FBXL13: variants seen among roughly 807,000 people sequenced by gnomAD.
The protein encoded by FBXL13 is F-box and leucine-rich repeat protein 13.
Under a neutral mutation model 83.6 loss-of-function variants are expected in FBXL13, and 67 were observed. That is an observed-to-expected ratio of 0.80 (90% CI 0.66 to 0.98). The LOEUF (loss-of-function observed/expected upper bound fraction) is 0.98. Ranked by LOEUF, FBXL13 falls within the 50% of genes least tolerant of loss-of-function variation. The pLI is 0.00. For synonymous variants in FBXL13, 272 were observed against 299.5 expected, an observed-to-expected ratio of 0.91 and a Z score of 0.95; for missense variants, 822 against 866.5, an observed-to-expected ratio of 0.95 and a Z score of 0.64.
At chr7:103,052,617 T>G (rs1467823194) in intron 2 of FBXL13, among the ~76,000 whole-genome samples, 1 of 152,242 alleles carries the variant, frequency 6.6e-6, no homozygotes, top group East Asian at 1.9e-4. Context: ...ATCTCATTTT[T>G]ATTATTTCCA....
chr7:102,878,387 T>C, exon 15 of FBXL13: 1 of 1,610,720 alleles, frequency 6.2e-7, no homozygotes. Context: ...TGCTTAAATT[T>C]AGCTCTCTTA....
rs116718602 is a variant in FBXL13, at chr7:103,010,580, G to A, written c.495+14483C>T. Reference sequence around the variant, plus strand: ...TACCTCAGTCTATAGTGCAGTAGGGGGGTTTAGGGGGAAGCCAAGGTGATT... The same window carrying A: ...TACCTCAGTCTATAGTGCAGTAGGGAGGTTTAGGGGGAAGCCAAGGTGATT... On this transcript the variant is annotated intron_variant, in intron 6 of 19. Transcript: ENST00000313221. 4.4e-3 allele frequency among the ~76,000 whole-genome samples: 672 copies of A among 152,252 alleles called. 6 individuals carry two copies. The highest frequency in any genetic ancestry group is 0.016 in the African/African-American group (644 of 41,544).
chr7:103,016,679 T>C (rs924228788), intron 6 of FBXL13, among the ~76,000 whole-genome samples: 11 of 152,064 alleles, frequency 7.2e-5, no homozygotes, highest in African/African-American at 2.2e-4. Flanking sequence ...GGAGATTATA[T>C]CCCGCGCCTG....
At chr7:102,996,520 A>G (rs1487810161) in intron 6 of FBXL13, among the ~76,000 whole-genome samples, 1 of 152,212 alleles carries the variant, frequency 6.6e-6, no homozygotes, top group Non-Finnish European at 1.5e-5. Context: ...GATGACTGGT[A>G]GTTCAAATCC....
intron 6 of FBXL13, chr7:102,988,684 A>G (rs1018284462): frequency 1.3e-5 from 2 of 152,164 alleles, no homozygotes; most frequent in African/African-American, 2.4e-5. Flanking sequence ...TGCAGAACCA[A>G]AACTGGTGTA....
At chr7:103,072,793 G>A (rs1799100387) in intron 1 of FBXL13, among the ~76,000 whole-genome samples, 1 of 152,188 alleles carries the variant, frequency 6.6e-6, no homozygotes, top group Non-Finnish European at 1.5e-5. Context: ...CCATGTATCA[G>A]TATGATATCC....
intron 17 of FBXL13, 152 bp from the exon 19 acceptor site, chr7:102,833,126 C>A (rs1801015373): frequency 5.2e-6 from 4 of 771,760 alleles, no homozygotes; most frequent in Non-Finnish European, 8.1e-6. Context: ...ACCCATGTTA[C>A]ATCCAACATC....
chr7:103,069,895 G>A (rs939692666), intron 1 of FBXL13, among the ~76,000 whole-genome samples: 2 of 152,174 alleles, frequency 1.3e-5, no homozygotes, highest in Admixed American at 6.5e-5. Flanking sequence ...TGGCTAACAC[G>A]GTGAAACCCC....
At chr7:102,831,817 T>C (rs1800753074) in intron 18 of FBXL13, among the ~76,000 whole-genome samples, 1 of 152,152 alleles carries the variant, frequency 6.6e-6, no homozygotes, top group African/African-American at 2.4e-5. Flanking sequence ...CTGTTTTCCT[T>C]ATCCATATGG....
chr7:102,922,748 G>A (rs886662965), intron 10 of FBXL13, among the ~76,000 whole-genome samples: 4 of 152,056 alleles, frequency 2.6e-5, no homozygotes, highest in African/African-American at 7.2e-5. Flanking sequence ...CGAGGCGGGC[G>A]GATCACGAGG....
intron 19 of FBXL13, 50 bp downstream of exon 20, chr7:102,821,990 T>G: frequency 1.3e-6 from 2 of 1,576,254 alleles, no homozygotes; most frequent in Non-Finnish European, 1.7e-6. Context: ...ATACTATGTT[T>G]TCTCAGAAAG....
chr7:102,874,377 C>A (rs1176871831), intron 16 of FBXL13: 1 of 985,168 alleles, frequency 1.0e-6, no homozygotes, highest in East Asian at 1.1e-4. Flanking sequence ...CCTTTTAGTT[C>A]AGAGTTTAAC....
chr7:102,953,151 T>C (rs772650595), intron 8 of FBXL13, among the ~76,000 whole-genome samples: 4 of 152,158 alleles, frequency 2.6e-5, no homozygotes, highest in African/African-American at 9.7e-5. Context: ...TCCTACCTCA[T>C]TCGATGAAGC....
At chr7:103,047,481 A>T (rs777299722) in intron 2 of FBXL13, among the ~76,000 whole-genome samples, 1 of 152,212 alleles carries the variant, frequency 6.6e-6, no homozygotes, top group Admixed American at 6.5e-5. Context: ...TTCAAATTGT[A>T]TATCTAATCA....
intron 16 of FBXL13, among the ~76,000 whole-genome samples, chr7:102,876,635 G>C (rs925023420): frequency 1.3e-5 from 2 of 152,154 alleles, no homozygotes; most frequent in African/African-American, 4.8e-5. Context: ...ACTGGGGCTG[G>C]AGATGCAAGC....
intron 11 of FBXL13, among the ~76,000 whole-genome samples, chr7:102,903,939 C>CTTTTCTTTTTTTTTTTTTTTTTTTTTTTT (rs1321420603): frequency 6.9e-5 from 3 of 43,470 alleles, no homozygotes; most frequent in Non-Finnish European, 1.3e-4. Context: ...CTTTTCTTTT[C>CTTTTCTTTTTTTTTTTTTTTTTTTTTTTT]TTTTTTTTTT....
At chr7:102,961,339 T>C (rs1157846774) in intron 8 of FBXL13, among the ~76,000 whole-genome samples, 109 of 148,032 alleles carry the variant, frequency 7.4e-4, no homozygotes, top group Non-Finnish European at 1.3e-3. Context: ...TAAAAGAGGA[T>C]ACAAACAAAT....
At position 102,982,222 on chromosome 7, in the gene FBXL13, C is replaced by G. The variant is rs143236569; in HGVS notation, c.496-14105G>C. 7.8e-4 allele frequency among the ~76,000 whole-genome samples: 119 copies of G among 152,194 alleles called. 1 individual carries two copies. The East Asian group carries it at 0.016, about 21-fold the overall frequency. On this transcript the variant is annotated intron_variant, in intron 6 of 19. Transcript: ENST00000313221. ...TTAGTTCGATAGAACTATCATTGTG[C>G]GTCCTGGTGTAAACATTCCTCCTTT...
rs549226811 is a variant in FBXL13 at position 102,886,036 on chromosome 7, G to A, written c.1009-1724C>T. 3.3e-5 allele frequency among the ~76,000 whole-genome samples: 5 copies of A among 152,242 alleles called. No individual in the cohort carries two copies. The East Asian group carries it at 5.8e-4, about 18-fold the overall frequency. On this transcript the variant is annotated intron_variant, in intron 11 of 19. Coordinates refer to ENST00000313221, the Ensembl canonical transcript of FBXL13. ...TCAATTACTGTAGCTTTGTAGTACC[G>A]ATTTCTTTCTTTTCAACTATCATTA... is the stretch of plus-strand genomic sequence containing the variant.
Sources: gnomAD v4.1 joint callset for allele counts (sites outside exome capture counted in the v4.1 genomes callset) on GRCh38, gnomAD v4.1.1 for gene constraint, MANE v1.5 for transcripts, NCBI Gene and HGNC (gene_info 2026-07-23, HGNC 2026-07-21) for gene names.